The following CNTNAP2 variants were observed in gnomAD, a reference collection of about 807,000 sequenced individuals.
CNTNAP2 encodes the protein contactin associated protein 2.
A neutral mutation model predicts 155.2 loss-of-function variants in CNTNAP2; 98 were observed. The observed-to-expected ratio is 0.63, with a 90% CI of 0.54 to 0.75. The LOEUF (loss-of-function observed/expected upper bound fraction) is 0.75. CNTNAP2 is among the 30% of genes least tolerant of loss of function. The pLI is 0.00. For missense variants in CNTNAP2, 1,727 were observed against 1,688.1 expected, an observed-to-expected ratio of 1.02 and a Z score of -0.40; for synonymous variants, 651 against 631.2, an observed-to-expected ratio of 1.03 and a Z score of -0.47.
chr7:146,856,302 A>ATAGATAGG (rs1794985705), intron 3 of CNTNAP2, among the ~76,000 whole-genome samples: 1 of 118,826 alleles, frequency 8.4e-6, no homozygotes, highest in Non-Finnish European at 1.8e-5. Context: ...AGATAGATAC[A>ATAGATAGG]TACATACATA....
intron 1 of CNTNAP2, among the ~76,000 whole-genome samples, chr7:146,699,339 G>C (rs1800836389): frequency 6.6e-6 from 1 of 152,146 alleles, no homozygotes; most frequent in South Asian, 2.1e-4. Context: ...TTGCCACAGA[G>C]AACTTATCTT....
At chr7:146,540,137 T>G (rs537315916) in intron 1 of CNTNAP2, among the ~76,000 whole-genome samples, 1 of 152,250 alleles carries the variant, frequency 6.6e-6, no homozygotes, top group African/African-American at 2.4e-5. Context: ...AGTGATTACA[T>G]GAGCAAGGTC....
At chr7:147,767,742 G>A in intron 13 of CNTNAP2, among the ~76,000 whole-genome samples, 1 of 152,032 alleles carries the variant, frequency 6.6e-6, no homozygotes, top group East Asian at 1.9e-4. Flanking sequence ...GAGGTGAAGT[G>A]TCTTCATGTG....
chr7:146,377,428 C>A (rs1424080016), intron 1 of CNTNAP2, among the ~76,000 whole-genome samples: 2 of 152,152 alleles, frequency 1.3e-5, no homozygotes, highest in Non-Finnish European at 2.9e-5. Context: ...TGCTCTCTTA[C>A]TTTAAGTACC....
In CNTNAP2 at chr7:146,367,202, A is replaced by G. The variant is rs181938378; in HGVS notation, c.97+250229A>G. Among the ~76,000 whole-genome samples, 108 of 152,254 alleles carry G rather than the reference A, an allele frequency of 7.1e-4. No individual in the cohort carries two copies. The East Asian group carries it at 0.013, about 19-fold the overall frequency. On this transcript the variant is annotated intron_variant, in intron 1 of 23. Transcript: ENST00000361727. ...TTTATGGAAAGTACTGTATTGACAC[A>G]CATTGTACTACCTGCTTTATACACA...
intron 21 of CNTNAP2, among the ~76,000 whole-genome samples, chr7:148,301,776 G>A (rs530909336): frequency 5.9e-5 from 9 of 152,248 alleles, no homozygotes; most frequent in South Asian, 4.2e-4. Context: ...CAGGGGGTCC[G>A]TAGAACAGCA....
intron 13 of CNTNAP2, among the ~76,000 whole-genome samples, chr7:147,682,703 G>C (rs2116981539): frequency 6.6e-6 from 1 of 151,644 alleles, no homozygotes; most frequent in East Asian, 1.9e-4. Context: ...TGATCATCCA[G>C]GGACCTAGAT....
chr7:146,750,290 C>T (rs1801881372), intron 1 of CNTNAP2, among the ~76,000 whole-genome samples: 1 of 152,172 alleles, frequency 6.6e-6, no homozygotes, highest in Middle Eastern at 3.2e-3. Context: ...CCCTACCTCA[C>T]CCTCCTCCCT....
At chr7:146,983,670 G>A (rs1798061986) in intron 3 of CNTNAP2, among the ~76,000 whole-genome samples, 1 of 152,082 alleles carries the variant, frequency 6.6e-6, no homozygotes, top group Non-Finnish European at 1.5e-5. Flanking sequence ...TTTCCATTTG[G>A]CGAGTTGAAA....
chr7:147,643,514 T>G (rs1385549256), intron 13 of CNTNAP2: 1 of 152,216 alleles, frequency 6.6e-6, no homozygotes, highest in Non-Finnish European at 1.5e-5. Flanking sequence ...CTTTAATTTG[T>G]GTTTTAAAGA....
intron 13 of CNTNAP2, among the ~76,000 whole-genome samples, chr7:147,773,020 T>C (rs1343282524): frequency 6.6e-6 from 1 of 152,146 alleles, no homozygotes; most frequent in Non-Finnish European, 1.5e-5. Flanking sequence ...CTGTGCACAG[T>C]CTCTACCAGA....
chr7:147,907,341 C>A (rs970099559), intron 14 of CNTNAP2, among the ~76,000 whole-genome samples: 3 of 152,178 alleles, frequency 2.0e-5, no homozygotes, highest in Admixed American at 2.0e-4. Flanking sequence ...CAGGCTTGAG[C>A]CATCGCGCCC....
At chr7:146,207,649 T>TG (rs1798968394) in intron 1 of CNTNAP2, among the ~76,000 whole-genome samples, 1 of 151,080 alleles carries the variant, frequency 6.6e-6, no homozygotes, top group Non-Finnish European at 1.5e-5. Context: ...TTTTTTTTTT[T>TG]TTTTTTTTTT....
intron 8 of CNTNAP2, among the ~76,000 whole-genome samples, chr7:147,184,204 A>G (rs1802520646): frequency 6.6e-6 from 1 of 152,152 alleles, no homozygotes; most frequent in Non-Finnish European, 1.5e-5. Flanking sequence ...AAAGATACAT[A>G]GGAAATACTT....
At chr7:146,552,381 C>T (rs1798135266) in intron 1 of CNTNAP2, among the ~76,000 whole-genome samples, 1 of 152,114 alleles carries the variant, frequency 6.6e-6, no homozygotes, top group Admixed American at 6.6e-5. Context: ...ATTGTCTCTT[C>T]TCAGTTTCTC....
intron 21 of CNTNAP2, among the ~76,000 whole-genome samples, chr7:148,277,194 T>C (rs1380299261): frequency 6.6e-6 from 1 of 152,142 alleles, no homozygotes; most frequent in Non-Finnish European, 1.5e-5. Flanking sequence ...ATGCTGGTCC[T>C]TGAGTTTGCA....
chr7:148,078,227 C>T (rs1444989351), intron 15 of CNTNAP2, among the ~76,000 whole-genome samples: 3 of 151,918 alleles, frequency 2.0e-5, no homozygotes, highest in Non-Finnish European at 4.4e-5. Context: ...GCATGCCAGG[C>T]TCATTTTTGT....
chr7:146,692,389 A>G (rs1481427000), intron 1 of CNTNAP2, among the ~76,000 whole-genome samples: 3 of 152,166 alleles, frequency 2.0e-5, no homozygotes, highest in Non-Finnish European at 4.4e-5. Context: ...GCATACTAAG[A>G]GTTATCCTGT....
At chr7:146,208,110 T>C (rs918183290) in intron 1 of CNTNAP2, among the ~76,000 whole-genome samples, 2 of 152,086 alleles carry the variant, frequency 1.3e-5, no homozygotes, top group Admixed American at 1.3e-4. Flanking sequence ...ATTCATACTA[T>C]ATATGACTTT....
Sources: gnomAD v4.1 joint callset for allele counts (sites outside exome capture counted in the v4.1 genomes callset) on GRCh38, gnomAD v4.1.1 for gene constraint, MANE v1.5 for transcripts, NCBI Gene and HGNC (gene_info 2026-07-23, HGNC 2026-07-21) for gene names.